Variants in SLC25A38 observed in about 807,000 individuals in gnomAD.
SLC25A38 encodes the protein solute carrier family 25 member 38.
In SLC25A38, 27 loss-of-function variants were observed where a neutral mutation model predicts 33.4. The observed-to-expected ratio is 0.81, with a 90% CI of 0.60 to 1.11. The LOEUF (loss-of-function observed/expected upper bound fraction) is 1.11. SLC25A38 is among the 50% of genes most tolerant of loss of function. SLC25A38 has a pLI of 0.00. For synonymous variants in SLC25A38, 123 were observed against 145.9 expected (o/e 0.84, Z 1.13); for missense variants, 344 against 388.8 (o/e 0.88, Z 0.97).
At chr3:39,391,779 A>T in intron 4 of SLC25A38, 74 bp from the exon 5 acceptor site, 1 of 1,608,346 alleles carries the variant, frequency 6.2e-7, no homozygotes, top group Non-Finnish European at 8.5e-7. Context: ...ATGCCCCATA[A>T]CCTGCAGTCT....
chr3:39,383,563 C>T lies in SLC25A38; in HGVS notation c.-162C>T, dbSNP rs2041671044. The T allele has an allele frequency of 2.8e-6, 2 of 717,868 alleles. No homozygotes were observed. Among genetic ancestry groups the T allele is most frequent in the Non-Finnish European group, 4.8e-6 (2 of 417,072 alleles). 44.5% of individuals were successfully genotyped at this position (717,868 alleles called of 1,614,324 possible). On this transcript the variant is annotated 5_prime_UTR_variant, in exon 1 of 7. Coordinates refer to ENST00000650617, the MANE Select transcript of SLC25A38 (RefSeq NM_017875.4). ...CCCTGGACTAGCAGGATCCGAACCCCGGCGGCTGCGTGCTTATAGGCGCAG... is the reference window on the plus strand; with the variant it reads ...CCCTGGACTAGCAGGATCCGAACCCTGGCGGCTGCGTGCTTATAGGCGCAG...
At chr3:39,396,246 T>C (rs961345775) in intron 6 of SLC25A38, 152 bp from the exon 7 acceptor site, 2 of 1,292,630 alleles carry the variant, frequency 1.5e-6, no homozygotes, top group African/African-American at 1.5e-5. Context: ...TCTTTGGTTG[T>C]CTCCTTGGAC....
In SLC25A38 at chr3:39,389,377, G is replaced by A; in HGVS notation, c.70-118G>A. 6.6e-7 allele frequency: 1 copy of A among 1,516,554 alleles called. No homozygotes were observed. The highest frequency in any genetic ancestry group is 1.7e-5 in the Admixed American group (1 of 57,426). The allele number at this position is 1,516,554 out of a possible 1,614,324, so 93.9% of individuals were successfully genotyped here. ...CTTCTCCGAGGTATGAAGAAAACAT[G>A]AGGCACCACCAGGTAAGTGTCTAAG... On this transcript the variant is annotated intron_variant, in intron 1 of 6. Coordinates refer to ENST00000650617, the MANE Select transcript of SLC25A38 (RefSeq NM_017875.4). This position sits in a 1 kb window ranked among gnomAD's most constrained non-coding sequence, Gnocchi z 4.5.
chr3:39,392,003 A>G lies in SLC25A38; in HGVS notation c.607A>G (p.Lys203Glu). The change falls in exon 5 of 7, where the codon AAA (lysine) becomes GAA (glutamate). Residue 203 changes from lysine to glutamate, a missense_variant. Coordinates refer to ENST00000650617, the MANE Select transcript of SLC25A38 (RefSeq NM_017875.4). ...CTACCTGATGTTTTACAACCAGACC[A>G]AAAATATAGTGCCTCATGGTAGGGA... ...GIYLMFYNQT[K>E]NIVPHDQVDA... The G allele has an allele frequency of 6.2e-7, 1 of 1,614,200 alleles. No individual in the cohort carries two copies.
chr3:39,394,375 A>G (rs1393306517), intron 5 of SLC25A38, 35 bp from the exon 6 acceptor site: 2 of 1,611,530 alleles, frequency 1.2e-6, no homozygotes, highest in African/African-American at 2.7e-5. Context: ...TTAATATAAG[A>G]TCTATGTCCA....
chr3:39,391,073 TAACCCACAGCACTGTGCATTTCCA>T (rs1559392628), intron 3 of SLC25A38, among the ~76,000 whole-genome samples: 1 of 152,254 alleles, frequency 6.6e-6, no homozygotes, highest in Non-Finnish European at 1.5e-5. Flanking sequence ...GTTGATTTCC[TAACCCACAGCACTGTGCATTTCCA>T]AACCCACAGA....
At chr3:39,390,640 C>T in intron 3 of SLC25A38, 133 bp downstream of exon 3, 1 of 852,224 alleles carries the variant, frequency 1.2e-6, no homozygotes. Context: ...TCTTATCTCT[C>T]ATACTACAAC....
At position 39,383,740 on chromosome 3, in the gene SLC25A38, C is replaced by G; in HGVS notation, c.16C>G (p.Arg6Gly). The change falls in exon 1 of 7, where the codon CGT (arginine) becomes GGT (glycine). Residue 6 changes from arginine (R) to glycine (G), a missense_variant. Arg to Gly is a moderately radical substitution (Grantham distance 125). Around this residue, in one of 2 missense-constraint regions of SLC25A38, gnomAD observed 269 missense variants for 271.8 expected, o/e 0.99. Transcript: ENST00000650617. ...CTCATCTCCAATGATTCAGAACTCA[C>G]GTCCGTCGCTGCTGCAACCCCAAGA... MIQNS[R>G]PSLLQPQDVG... is the part of the protein sequence containing the mutation. 6.2e-7 allele frequency: 1 copy of G among 1,614,172 alleles called. No individual in the cohort carries two copies. Among genetic ancestry groups the G allele is most frequent in the Non-Finnish European group, 8.5e-7 (1 of 1,180,000 alleles).
At chr3:39,387,444 T>G (rs1365280988) in intron 1 of SLC25A38, among the ~76,000 whole-genome samples, 2 of 152,082 alleles carry the variant, frequency 1.3e-5, no homozygotes, top group Non-Finnish European at 2.9e-5. Flanking sequence ...GAGGCCAGAC[T>G]GGGAAGATTG....
At chr3:39,383,842 G>A (rs767296586) in intron 1 of SLC25A38, 49 bp downstream of exon 1, 75 of 1,605,356 alleles carry the variant, frequency 4.7e-5, no homozygotes, top group Non-Finnish European at 6.2e-5. Context: ...CCGCGGGCTC[G>A]GGCCGGAGAA....
At chr3:39,391,261 C>T (rs562249585) in intron 3 of SLC25A38, among the ~76,000 whole-genome samples, 180 bp from the exon 4 acceptor site, 12 of 152,346 alleles carry the variant, frequency 7.9e-5, no homozygotes, top group South Asian at 6.2e-4. Flanking sequence ...TTTATAACAT[C>T]GTTTATTGAC....
chr3:39,390,385 G>T, intron 2 of SLC25A38, 38 bp from the exon 3 acceptor site: 5 of 1,605,534 alleles, frequency 3.1e-6, no homozygotes, highest in South Asian at 1.1e-5. Context: ...TGATCTAAGT[G>T]ATTTTTTCCT....
chr3:39,387,853 C>G (rs1440986665), intron 1 of SLC25A38: 1 of 152,976 alleles, frequency 6.5e-6, no homozygotes, highest in Non-Finnish European at 1.5e-5. Context: ...ATGGCATGTA[C>G]CAGAGAGGCC....
chr3:39,387,996 A>C (rs1448376813), intron 1 of SLC25A38: 7 of 152,546 alleles, frequency 4.6e-5, no homozygotes, highest in African/African-American at 1.7e-4. Flanking sequence ...GGACTGGCAC[A>C]GAGCAAGTGG....
chr3:39,383,701 G>A lies in SLC25A38; in HGVS notation c.-24G>A. ...GCCCGTCGACGGCACCCTGGGCCCAGAGGACTCGCGGGCCTCATCTCCAAT... is the reference window on the plus strand; with the variant it reads ...GCCCGTCGACGGCACCCTGGGCCCAAAGGACTCGCGGGCCTCATCTCCAAT... On this transcript the variant is annotated 5_prime_UTR_variant, in exon 1 of 7. Coordinates refer to ENST00000650617, the MANE Select transcript of SLC25A38 (RefSeq NM_017875.4). The A allele has an allele frequency of 6.2e-7, 1 of 1,613,878 alleles. No individual in the cohort carries two copies. Among genetic ancestry groups the A allele is most frequent in the East Asian group, 2.2e-5 (1 of 44,878 alleles).
chr3:39,393,183 G>T (rs149409651), intron 5 of SLC25A38, among the ~76,000 whole-genome samples: 1 of 152,294 alleles, frequency 6.6e-6, no homozygotes, highest in African/African-American at 2.4e-5. Context: ...CTGCTTGGGA[G>T]GCTGAGGCAC....
At chr3:39,392,269 G>A (rs1368501836) in intron 5 of SLC25A38, among the ~76,000 whole-genome samples, 1 of 150,656 alleles carries the variant, frequency 6.6e-6, no homozygotes, top group Non-Finnish European at 1.5e-5. Flanking sequence ...GGATAGGGTG[G>A]GTGGGAGGGA....
intron 6 of SLC25A38, among the ~76,000 whole-genome samples, chr3:39,395,921 T>G (rs11129825): frequency 1.3e-5 from 2 of 149,868 alleles, no homozygotes; most frequent in Non-Finnish European, 3.0e-5. Context: ...AAAAAAAAAA[T>G]GGTTTTTGGC....
intron 1 of SLC25A38, among the ~76,000 whole-genome samples, chr3:39,387,371 G>A (rs1430716403): frequency 6.6e-6 from 1 of 152,210 alleles, no homozygotes; most frequent in Non-Finnish European, 1.5e-5. Flanking sequence ...GGAGCAGAGT[G>A]GAGGGTGGGT....
Sources: allele counts gnomAD v4.1 joint callset (sites outside exome capture counted in the v4.1 genomes callset), GRCh38; gene constraint gnomAD v4.1.1; regional missense constraint gnomAD v4.1.1; non-coding constraint Gnocchi (gnomAD v3.1); transcripts MANE v1.5; gene names NCBI Gene and HGNC (gene_info 2026-07-23, HGNC 2026-07-21).